The following SPAG17 variants were observed in gnomAD, a reference collection of about 807,000 sequenced individuals.
SPAG17 encodes the protein sperm-associated antigen 17.
In SPAG17, 169 loss-of-function variants were observed where a neutral mutation model predicts 273.6. That is an observed-to-expected ratio of 0.62 (90% CI 0.55 to 0.70). SPAG17 has a LOEUF of 0.70. Ranked by LOEUF, SPAG17 falls within the 30% of genes least tolerant of loss-of-function variation. The probability of loss-of-function intolerance (pLI) is 0.00; values close to 1 mark genes in which losing one functional copy is unlikely to be tolerated. For missense variants in SPAG17, 2,557 were observed against 2,627.8 expected, an observed-to-expected ratio of 0.97 and a Z score of 0.59; for synonymous variants, 825 against 873.2, an observed-to-expected ratio of 0.94 and a Z score of 0.97.
chr1:117,974,685 G>A (rs1003959614), intron 43 of SPAG17, among the ~76,000 whole-genome samples: 2 of 152,210 alleles, frequency 1.3e-5, no homozygotes, highest in African/African-American at 4.8e-5. Flanking sequence ...GAGGGAATGA[G>A]CAAGTGTAGG....
chr1:118,044,485 C>CA lies in SPAG17; in HGVS notation c.2815-2444dup, dbSNP rs879665719. Among the ~76,000 whole-genome samples the CA allele has an allele frequency of 8.1e-3, 1,115 of 138,360 alleles. 12 individuals carry two copies. Among genetic ancestry groups the CA allele is most frequent in the African/African-American group, 0.027 (1,006 of 37,792 alleles). 90.8% of individuals were successfully genotyped at this position (138,360 alleles called of 152,430 possible). ...GGGCAACAGAGCAAGACTCCATCTC[C>CA]AAAAAAAAAAAGATAAACTGTCCAT... On this transcript the variant is annotated intron_variant, in intron 20 of 48. Coordinates refer to ENST00000336338, the MANE Select transcript of SPAG17 (RefSeq NM_206996.4).
intron 3 of SPAG17, among the ~76,000 whole-genome samples, chr1:118,116,751 C>T (rs1242655098): frequency 1.3e-5 from 2 of 152,204 alleles, no homozygotes; most frequent in Non-Finnish European, 2.9e-5. Flanking sequence ...AGAAAGGATT[C>T]CTTTAAAGCT....
intron 17 of SPAG17, among the ~76,000 whole-genome samples, chr1:118,072,041 GAGA>G (rs1400034231): frequency 1.3e-5 from 2 of 152,138 alleles, no homozygotes; most frequent in African/African-American, 4.8e-5. Context: ...TTGGAACAAA[GAGA>G]AGATCTTAAA....
chr1:118,125,641 C>T (rs572578550), intron 3 of SPAG17, among the ~76,000 whole-genome samples: 4 of 152,310 alleles, frequency 2.6e-5, no homozygotes, highest in African/African-American at 7.2e-5. Context: ...CTGTCTGTGT[C>T]TGACTTATTT....
intron 3 of SPAG17, among the ~76,000 whole-genome samples, chr1:118,137,745 AATTC>A (rs758147152): frequency 6.6e-6 from 1 of 152,184 alleles, no homozygotes; most frequent in Non-Finnish European, 1.5e-5. Context: ...ATATATCTGA[AATTC>A]ATTCATTCAA....
At chr1:118,075,516 T>A (rs919142723) in intron 15 of SPAG17, among the ~76,000 whole-genome samples, 2 of 152,366 alleles carry the variant, frequency 1.3e-5, no homozygotes, top group Non-Finnish European at 2.9e-5. Flanking sequence ...TTATTGTGAA[T>A]CTCTAATTGA....
chr1:118,082,481 G>A (rs1570657049), intron 13 of SPAG17, among the ~76,000 whole-genome samples: 1 of 152,180 alleles, frequency 6.6e-6, no homozygotes, highest in South Asian at 2.1e-4. Context: ...AGAGAGACAA[G>A]GAAGAGGTAA....
At chr1:118,090,947 TAAAATAA>T (rs370290809) in intron 10 of SPAG17, among the ~76,000 whole-genome samples, 165 of 151,856 alleles carry the variant, frequency 1.1e-3, no homozygotes, top group Non-Finnish European at 1.9e-3. Flanking sequence ...AAGAGATTAA[TAAAATAA>T]AAAGTAAAAA....
At chr1:118,051,558 C>CACACACAT (rs1415439064) in intron 20 of SPAG17, among the ~76,000 whole-genome samples, 2 of 150,912 alleles carry the variant, frequency 1.3e-5, no homozygotes, top group Non-Finnish European at 3.0e-5. Context: ...CACACACACA[C>CACACACAT]ACAGTGGAAT....
intron 38 of SPAG17, among the ~76,000 whole-genome samples, chr1:117,989,076 G>A (rs1323712608): frequency 6.6e-6 from 1 of 152,140 alleles, no homozygotes; most frequent in Non-Finnish European, 1.5e-5. Flanking sequence ...AAAAGCTACA[G>A]GGTAGCGTTG....
At chr1:118,103,474 C>T (rs1656195974) in intron 4 of SPAG17, among the ~76,000 whole-genome samples, 1 of 152,146 alleles carries the variant, frequency 6.6e-6, no homozygotes, top group South Asian at 2.1e-4. Flanking sequence ...TCAGTAAAGG[C>T]TGCAGGTATC....
rs145714862 is a variant in SPAG17 at position 118,178,993 on chromosome 1, T to C, written c.87+6078A>G. ...AGAAAAGATATCCCATGCTCATGGA[T>C]TGGAAGAATTAATACTGTGAAAATA... On this transcript the variant is annotated intron_variant, in intron 1 of 48. Transcript: ENST00000336338. Among the ~76,000 whole-genome samples the C allele has an allele frequency of 4.9e-4, 75 of 152,126 alleles. No individual in the cohort carries two copies. The East Asian group carries it at 0.012, about 24-fold the overall frequency.
chr1:118,185,147 T>G lies in SPAG17; in HGVS notation c.11A>C (p.Lys4Thr). The G allele has an allele frequency of 6.2e-7, 1 of 1,613,936 alleles. No homozygotes were observed. Among genetic ancestry groups the G allele is most frequent in the South Asian group, 1.1e-5 (1 of 91,068 alleles). The change falls in exon 1 of 49, where the codon AAG (lysine) becomes ACG (threonine). Residue 4 changes from lysine (K) to threonine (T), a missense_variant. Physicochemically the swap from Lys to Thr is moderately conservative, Grantham distance 78. Transcript: ENST00000336338. ...GTTCACAGTTCCTCCTTTCTCCTTCTTGGGTGCCATGCAAAGGACGGGAGA... is the reference window on the plus strand; with the variant it reads ...GTTCACAGTTCCTCCTTTCTCCTTCGTGGGTGCCATGCAAAGGACGGGAGA... MAP[K>T]KEKGGTVNTS... is the part of the protein sequence containing the mutation.
chr1:118,059,325 T>G (rs1231690419), intron 18 of SPAG17, among the ~76,000 whole-genome samples: 1 of 152,174 alleles, frequency 6.6e-6, no homozygotes, highest in Non-Finnish European at 1.5e-5. Flanking sequence ...AGTTGATTTT[T>G]GTGTATACTT....
chr1:118,151,385 C>T lies in SPAG17; in HGVS notation c.88-16G>A, dbSNP rs775436274. The T allele has an allele frequency of 1.0e-5, 16 of 1,607,876 alleles. No individual in the cohort carries two copies. The highest frequency in any genetic ancestry group is 3.3e-5 in the South Asian group (3 of 90,200). On this transcript the variant is annotated splice_polypyrimidine_tract_variant and intron_variant, in intron 1 of 48. Coordinates refer to ENST00000336338, the MANE Select transcript of SPAG17 (RefSeq NM_206996.4). ...GCCAATCGTTCTATTAAAAATCAGA[C>T]GGAATTAGATTTTAAATATTCCTGA...
chr1:117,990,700 C>T (rs987796099), intron 38 of SPAG17, among the ~76,000 whole-genome samples, 161 bp downstream of exon 38: 2 of 152,148 alleles, frequency 1.3e-5, no homozygotes, highest in Non-Finnish European at 2.9e-5. Context: ...GGCAGAATGA[C>T]TTACAAATAT....
At chr1:118,009,300 G>C (rs1659229729) in intron 30 of SPAG17, among the ~76,000 whole-genome samples, 1 of 150,044 alleles carries the variant, frequency 6.7e-6, no homozygotes, top group Admixed American at 6.6e-5. Flanking sequence ...AACTATATGA[G>C]GTAAGAGATA....
At chr1:118,023,220 T>A (rs2101839307) in intron 28 of SPAG17, 84 bp downstream of exon 28, 2 of 948,608 alleles carry the variant, frequency 2.1e-6, no homozygotes, top group South Asian at 2.5e-5. Flanking sequence ...TTGCAAGTAT[T>A]ATAATAATAA....
In SPAG17 at chr1:118,150,575, GT is replaced by G. The variant is rs771461785; in HGVS notation, c.282del (p.Lys94AsnfsTer3). The G allele has an allele frequency of 9.5e-6, 15 of 1,577,446 alleles. No individual in the cohort carries two copies. The highest frequency in any genetic ancestry group is 1.7e-5 in the Admixed American group (1 of 58,036). On this transcript the variant is annotated frameshift_variant, in exon 3 of 49. Coordinates refer to ENST00000336338, the MANE Select transcript of SPAG17 (RefSeq NM_206996.4). LOFTEE classifies it high-confidence loss of function. Reference protein sequence around the residue: ...VGSASSKKAKKPVGGNAPLYY... With the variant: ...VGSASSKKAKXPVGGNAPLYY... The stretch of plus-strand genomic sequence containing the variant: ...TATAAAGGAGCATTACCACCTACAG[GT>G]TTTTTTGCCTTTTTAGATGAAGCAG...
Sources: gnomAD v4.1 joint callset for allele counts (sites outside exome capture counted in the v4.1 genomes callset) on GRCh38, gnomAD v4.1.1 for gene constraint, MANE v1.5 for transcripts, NCBI Gene and HGNC (gene_info 2026-07-23, HGNC 2026-07-21) for gene names.